Variants in ZMYM2 observed in about 807,000 individuals in gnomAD.
The protein encoded by ZMYM2 is zinc finger MYM-type containing 2.
In ZMYM2, 56 loss-of-function variants were observed where a neutral mutation model predicts 162.8. That is an observed-to-expected ratio of 0.34 (90% CI 0.28 to 0.43). The LOEUF (loss-of-function observed/expected upper bound fraction) is 0.43. Ranked by LOEUF, ZMYM2 falls within the 20% of genes least tolerant of loss-of-function variation. The pLI is 1.00. For synonymous variants in ZMYM2, 510 were observed against 541.6 expected, an observed-to-expected ratio of 0.94 and a Z score of 0.81; for missense variants, 1,275 against 1,621.8, an observed-to-expected ratio of 0.79 and a Z score of 3.67.
At chr13:20,038,787 A>T (rs1953968696) in intron 12 of ZMYM2, among the ~76,000 whole-genome samples, 2 of 151,126 alleles carry the variant, frequency 1.3e-5, no homozygotes. Flanking sequence ...ATAGGATTTT[A>T]AAAGTTTTTT....
chr13:19,990,476 C>A (rs1400086268), intron 2 of ZMYM2, among the ~76,000 whole-genome samples: 1 of 152,168 alleles, frequency 6.6e-6, no homozygotes, highest in Non-Finnish European at 1.5e-5. Context: ...TGAATCTTAT[C>A]ATTTCGTATT....
intron 14 of ZMYM2, among the ~76,000 whole-genome samples, chr13:20,054,228 G>A (rs1229740525): frequency 2.0e-5 from 3 of 152,184 alleles, no homozygotes; most frequent in Non-Finnish European, 4.4e-5. Flanking sequence ...CTTTTTGTGA[G>A]TTTCTTTATT....
chr13:20,040,741 G>A (rs1026271864), intron 12 of ZMYM2, among the ~76,000 whole-genome samples: 2 of 152,130 alleles, frequency 1.3e-5, no homozygotes, highest in Admixed American at 1.3e-4. Context: ...TGGGCATTTA[G>A]TGCTATAAAT....
intron 9 of ZMYM2, 33 bp downstream of exon 9, chr13:20,027,351 CAA>C (rs775283197): frequency 2.8e-6 from 4 of 1,409,998 alleles, no homozygotes; most frequent in Non-Finnish European, 3.9e-6. Flanking sequence ...CCCATGCCCC[CAA>C]TAAAATACAC....
intron 2 of ZMYM2, among the ~76,000 whole-genome samples, chr13:19,982,701 A>G (rs1957462018): frequency 6.6e-6 from 1 of 152,126 alleles, no homozygotes; most frequent in Admixed American, 6.6e-5. Flanking sequence ...TCCTCTGCAA[A>G]TTGTTATGTT....
the ZMYM2 span, among the ~76,000 whole-genome samples, chr13:19,884,738 C>G: frequency 6.6e-6 from 1 of 152,092 alleles, no homozygotes; most frequent in Non-Finnish European, 1.5e-5. Context: ...CACAAACTCT[C>G]GCGATAAATG....
chr13:19,965,254 C>T (rs1215090372), intron 2 of ZMYM2: 20 of 1,300,570 alleles, frequency 1.5e-5, no homozygotes, highest in South Asian at 2.5e-5. Flanking sequence ...GCCGTAGTCA[C>T]CTGGATACCA....
chr13:19,924,512 G>A, the ZMYM2 span, among the ~76,000 whole-genome samples: 1 of 152,144 alleles, frequency 6.6e-6, no homozygotes, highest in Non-Finnish European at 1.5e-5. Context: ...AGGCTGCAGT[G>A]AGCTCAGATA....
chr13:19,891,460 T>C, the ZMYM2 span, among the ~76,000 whole-genome samples: 5 of 151,666 alleles, frequency 3.3e-5, no homozygotes, highest in Non-Finnish European at 7.4e-5. Flanking sequence ...TGACAGTTTT[T>C]TTTTTTTTCC....
chr13:20,077,847 C>CA lies in ZMYM2; in HGVS notation c.3454-4169_3454-4168insA, dbSNP rs1957616888. ...ACATGAAAAGGTTTTAAGTTTTTTT[C>CA]TTTTTTTTTTTTTGAGAGGGAGTCT... is the stretch of plus-strand genomic sequence containing the variant. On this transcript the variant is annotated intron_variant, in intron 21 of 24. Coordinates refer to ENST00000610343, the MANE Select transcript of ZMYM2 (RefSeq NM_197968.4). 1.2e-4 allele frequency among the ~76,000 whole-genome samples: 17 copies of CA among 143,840 alleles called. No individual in the cohort carries two copies. The South Asian group carries it at 3.5e-3, about 30-fold the overall frequency. 94.4% of individuals were successfully genotyped at this position (143,840 alleles called of 152,430 possible). A position where few individuals can be genotyped will look rare whatever the true frequency, so the allele number is the denominator to read the frequency against.
At chr13:19,911,282 C>T in the ZMYM2 span, among the ~76,000 whole-genome samples, 1 of 152,054 alleles carries the variant, frequency 6.6e-6, no homozygotes, top group Admixed American at 6.6e-5. Context: ...TGGTCTGGAA[C>T]TCCTGACCTC....
chr13:20,040,189 A>G lies in ZMYM2; in HGVS notation c.2292+3280A>G, dbSNP rs1200801152. Among the ~76,000 whole-genome samples the G allele has an allele frequency of 6.6e-5, 10 of 152,328 alleles. No individual in the cohort carries two copies. The South Asian group carries it at 1.4e-3, about 22-fold the overall frequency. ...ACCAGCTCTTCTTTGTACATCTGGT[A>G]GAATTGTGTTGTGAATCCATCTGGT... On this transcript the variant is annotated intron_variant, in intron 12 of 24. Transcript: ENST00000610343.
chr13:19,912,292 GTTTTTTT>G, the ZMYM2 span, among the ~76,000 whole-genome samples: 25 of 75,708 alleles, frequency 3.3e-4, no homozygotes, highest in South Asian at 4.7e-3. Context: ...TGTTTTTTGG[GTTTTTTT>G]TTTTTTTTTT....
chr13:19,987,313 GA>G (rs1949238292), intron 2 of ZMYM2, among the ~76,000 whole-genome samples: 1 of 151,682 alleles, frequency 6.6e-6, no homozygotes, highest in African/African-American at 2.4e-5. Context: ...GCCCAGGCTG[GA>G]GTGCAGTGGC....
intron 7 of ZMYM2, 60 bp from the exon 8 acceptor site, chr13:20,026,552 T>G: frequency 6.7e-7 from 1 of 1,497,708 alleles, no homozygotes. Context: ...GAAAAATTGG[T>G]AATTCTTTTC....
chr13:19,930,316 G>A, the ZMYM2 span, among the ~76,000 whole-genome samples: 87 of 152,050 alleles, frequency 5.7e-4, 1 homozygote, highest in Non-Finnish European at 8.8e-5. Flanking sequence ...CATTAGAATC[G>A]CTTGAACCCA....
chr13:19,971,430 C>G (rs949594198), intron 2 of ZMYM2, among the ~76,000 whole-genome samples: 1 of 150,824 alleles, frequency 6.6e-6, no homozygotes, highest in Non-Finnish European at 1.5e-5. Flanking sequence ...GCCACCACAC[C>G]AGGTTAATTT....
chr13:19,914,599 T>G, the ZMYM2 span, among the ~76,000 whole-genome samples: 1 of 152,358 alleles, frequency 6.6e-6, no homozygotes, highest in African/African-American at 2.4e-5. Flanking sequence ...GAATAGACAC[T>G]TACTCTGGGT....
chr13:20,057,260 G>A (rs1157457686), intron 14 of ZMYM2, among the ~76,000 whole-genome samples: 3 of 151,944 alleles, frequency 2.0e-5, no homozygotes, highest in Admixed American at 1.3e-4. Flanking sequence ...GCGCCACCAT[G>A]TCCGGCTAAT....
Sources: gnomAD v4.1 joint callset for allele counts (sites outside exome capture counted in the v4.1 genomes callset) on GRCh38, gnomAD v4.1.1 for gene constraint, MANE v1.5 for transcripts, NCBI Gene and HGNC (gene_info 2026-07-23, HGNC 2026-07-21) for gene names.